Variants in LTBP1 observed in about 807,000 individuals in gnomAD.
LTBP1 encodes latent-transforming growth factor beta-binding protein 1.
In LTBP1, 129 loss-of-function variants were observed where a neutral mutation model predicts 207.6. The observed-to-expected ratio is 0.62, with a 90% CI of 0.54 to 0.72. LTBP1 has a LOEUF of 0.72. Among genes scored for constraint, LTBP1 ranks in the 30% least tolerant of loss-of-function variants. LTBP1 has a pLI of 0.00. For missense variants in LTBP1, 2,281 were observed against 2,217.2 expected (o/e 1.03, Z -0.58); for synonymous variants, 963 against 833.7 (o/e 1.16, Z -2.67).
intron 12 of LTBP1, among the ~76,000 whole-genome samples, chr2:33,259,032 G>C (rs1265275265): frequency 1.3e-5 from 2 of 152,152 alleles, no homozygotes; most frequent in Non-Finnish European, 2.9e-5. Flanking sequence ...TTCCTGGCTT[G>C]TGAGATTCTT....
intron 9 of LTBP1, among the ~76,000 whole-genome samples, chr2:33,230,364 G>T (rs922274914): frequency 6.6e-6 from 1 of 151,780 alleles, no homozygotes; most frequent in Non-Finnish European, 1.5e-5. Flanking sequence ...CCTCAAAGTT[G>T]TTTTTTTTCC....
At chr2:33,100,202 A>G (rs1007692968) in intron 3 of LTBP1, among the ~76,000 whole-genome samples, 2 of 152,240 alleles carry the variant, frequency 1.3e-5, no homozygotes, top group Non-Finnish European at 2.9e-5. Context: ...AGAGACTGAC[A>G]GCTCATGCTG....
rs148883702 is a variant in LTBP1, at chr2:33,021,115, G to A, written c.772G>A (p.Asp258Asn). 1 of 1,613,996 alleles carries A rather than the reference G, an allele frequency of 6.2e-7. No homozygotes were observed. The highest frequency in any genetic ancestry group is 1.3e-5 in the African/African-American group (1 of 74,916). ...AAAGCATACTTCATCTAAGAAGGCA[G>A]ACACTCTACCAAGAGTCAGCCCTGT... ...AAKHTSSKKA[D>N]TLPRVSPVAQ... Residue 258 changes from aspartate to asparagine, a missense_variant, in exon 3 of 34, where the codon GAC becomes AAC. Coordinates refer to ENST00000404816, the MANE Select transcript of LTBP1 (RefSeq NM_206943.4).
intron 3 of LTBP1, among the ~76,000 whole-genome samples, chr2:33,031,606 T>C (rs72791778): frequency 0.097 from 14,764 of 152,238 alleles, 954 homozygotes; most frequent in Non-Finnish European, 0.14. Context: ...GCTGGAGGAC[T>C]GGACTAAAGG....
chr2:33,028,028 A>G (rs2075511749), intron 3 of LTBP1, among the ~76,000 whole-genome samples: 1 of 152,126 alleles, frequency 6.6e-6, no homozygotes, highest in South Asian at 2.1e-4. Context: ...GAAAATGGTG[A>G]GGTGAGGTAG....
chr2:32,998,954 G>A (rs1685698757), intron 2 of LTBP1, among the ~76,000 whole-genome samples: 1 of 152,220 alleles, frequency 6.6e-6, no homozygotes, highest in African/African-American at 2.4e-5. Context: ...CTGGACCAGT[G>A]GTTCTAAAAG....
At chr2:33,317,006 G>A (rs958733383) in intron 24 of LTBP1, among the ~76,000 whole-genome samples, 2 of 152,188 alleles carry the variant, frequency 1.3e-5, no homozygotes, top group Non-Finnish European at 2.9e-5. Flanking sequence ...GTGCTCCCTA[G>A]TCAAAGCTGT....
At chr2:33,284,017 A>G (rs1057317586) in intron 19 of LTBP1, among the ~76,000 whole-genome samples, 2 of 152,108 alleles carry the variant, frequency 1.3e-5, no homozygotes, top group Non-Finnish European at 2.9e-5. Context: ...CTCTCTTTCT[A>G]TTGAATGACT....
chr2:33,199,343 TGTG>T (rs1260910139), intron 7 of LTBP1, among the ~76,000 whole-genome samples: 1 of 152,138 alleles, frequency 6.6e-6, no homozygotes, highest in Non-Finnish European at 1.5e-5. Context: ...TTGGACTAGG[TGTG>T]GTGTGGTGCT....
chr2:33,151,500 G>A (rs1011549322), intron 5 of LTBP1, among the ~76,000 whole-genome samples: 5 of 151,784 alleles, frequency 3.3e-5, no homozygotes, highest in African/African-American at 9.7e-5. Context: ...TGGGGTACAG[G>A]TGGTATTTGG....
intron 5 of LTBP1, among the ~76,000 whole-genome samples, chr2:33,147,182 AG>A (rs2083126026): frequency 6.6e-6 from 1 of 152,242 alleles, no homozygotes; most frequent in East Asian, 1.9e-4. Flanking sequence ...CCTGCACCCC[AG>A]GGTCTCTAAA....
intron 3 of LTBP1, among the ~76,000 whole-genome samples, chr2:33,067,888 C>T (rs1324557940): frequency 1.3e-5 from 2 of 152,158 alleles, no homozygotes; most frequent in African/African-American, 4.8e-5. Context: ...ATCTATTTAA[C>T]TGTGCAGTTG....
chr2:33,127,363 A>G (rs1489027309), intron 4 of LTBP1, among the ~76,000 whole-genome samples: 1 of 151,334 alleles, frequency 6.6e-6, no homozygotes, highest in East Asian at 1.9e-4. Flanking sequence ...GAGGCATTCA[A>G]CTCCTTTAAA....
At chr2:32,983,600 G>A (rs759546480) in intron 2 of LTBP1, among the ~76,000 whole-genome samples, 1 of 152,192 alleles carries the variant, frequency 6.6e-6, no homozygotes, top group East Asian at 1.9e-4. Context: ...GTCGTAGGAG[G>A]GACCTGGTGG....
chr2:33,398,309 G>A, intron 33 of LTBP1, 55 bp from the exon 34 acceptor site: 12 of 1,544,210 alleles, frequency 7.8e-6, no homozygotes, highest in Non-Finnish European at 9.7e-6. Context: ...CAGGTTATGT[G>A]TCCTCACAGA....
intron 3 of LTBP1, among the ~76,000 whole-genome samples, chr2:33,039,522 T>C (rs935426500): frequency 5.3e-5 from 8 of 152,324 alleles, no homozygotes; most frequent in South Asian, 2.1e-4. Flanking sequence ...CACCTGTAAC[T>C]TGGCAGCCTG....
chr2:32,947,719 C>A lies in LTBP1; in HGVS notation c.395C>A (p.Thr132Asn). 6.5e-7 allele frequency: 1 copy of A among 1,535,302 alleles called. No individual in the cohort carries two copies. The stretch of plus-strand genomic sequence containing the variant: ...GGCCACCCGGCAGCCGCCCCGTTCA[C>A]CAAACAAGGCAGGCAAGTTGTGCGC... ...PGGHPAAAPF[T>N]KQGRQVVRSK... The change falls in exon 1 of 34, where the codon ACC becomes AAC. Residue 132 changes from threonine (T) to asparagine (N), a missense_variant. By Grantham distance (65) the Thr-to-Asn change is moderately conservative. Around this residue, in one of 3 missense-constraint regions of LTBP1, gnomAD observed 555 missense variants for 491.0 expected, o/e 1.13. Coordinates refer to ENST00000404816, the MANE Select transcript of LTBP1 (RefSeq NM_206943.4).
At chr2:33,188,470 T>G in intron 6 of LTBP1, 107 bp from the exon 7 acceptor site, 1 of 722,404 alleles carries the variant, frequency 1.4e-6, no homozygotes, top group Non-Finnish European at 2.2e-6. Context: ...TGCAGCAAAA[T>G]GCTACACATG....
intron 29 of LTBP1, 100 bp downstream of exon 29, chr2:33,363,618 A>G: frequency 1.5e-6 from 2 of 1,310,468 alleles, no homozygotes; most frequent in Non-Finnish European, 2.1e-6. Context: ...AATCTAAATC[A>G]TGTGTTGAAA....
Sources: allele counts gnomAD v4.1 joint callset (sites outside exome capture counted in the v4.1 genomes callset), GRCh38; gene constraint gnomAD v4.1.1; regional missense constraint gnomAD v4.1.1; transcripts MANE v1.5; gene names NCBI Gene and HGNC (gene_info 2026-07-23, HGNC 2026-07-21).